CDH8: variants seen among roughly 807,000 people sequenced by gnomAD.
CDH8 encodes cadherin 8, also known as cadherin-8.
CDH8 carries 17 observed loss-of-function variants against 68.1 expected under a neutral mutation model. The observed-to-expected ratio is 0.25, with a 90% CI of 0.17 to 0.37. CDH8 has a LOEUF of 0.37. CDH8 is among the 10% of genes least tolerant of loss of function. CDH8 has a pLI of 1.00. For synonymous variants in CDH8, 372 were observed against 365.1 expected (o/e 1.02, Z -0.21); for missense variants, 763 against 999.3 (o/e 0.76, Z 3.19).
intron 2 of CDH8, among the ~76,000 whole-genome samples, chr16:61,912,951 C>A (rs1369427553): frequency 6.6e-6 from 1 of 152,052 alleles, no homozygotes; most frequent in Non-Finnish European, 1.5e-5. Context: ...TTTTAAAACA[C>A]AGCAATAAAA....
chr16:61,685,355 TTA>T (rs1964087397), intron 10 of CDH8, among the ~76,000 whole-genome samples: 2 of 151,804 alleles, frequency 1.3e-5, no homozygotes, highest in African/African-American at 4.8e-5. Context: ...AGATCTGATT[TTA>T]AAGGAGACAT....
chr16:61,771,593 G>A (rs908909034), intron 8 of CDH8, among the ~76,000 whole-genome samples: 1 of 151,206 alleles, frequency 6.6e-6, no homozygotes, highest in Non-Finnish European at 1.5e-5. Context: ...AAAAGTCAGA[G>A]TCCTTTAAAC....
chr16:61,975,959 A>G (rs1965426836), intron 2 of CDH8, among the ~76,000 whole-genome samples: 1 of 152,210 alleles, frequency 6.6e-6, no homozygotes, highest in African/African-American at 2.4e-5. Flanking sequence ...TTTAAAGACA[A>G]TGAGAAATTT....
chr16:61,905,007 T>A (rs1391405040), intron 2 of CDH8, among the ~76,000 whole-genome samples: 1 of 152,248 alleles, frequency 6.6e-6, no homozygotes, highest in Non-Finnish European at 1.5e-5. Flanking sequence ...GAGAATCTAA[T>A]GCCTGATGAT....
intron 1 of CDH8, among the ~76,000 whole-genome samples, chr16:62,024,251 G>A (rs561446637): frequency 9.9e-5 from 15 of 152,068 alleles, no homozygotes; most frequent in Non-Finnish European, 1.0e-4. Flanking sequence ...TATAACGGCG[G>A]AGGGAGGGAT....
chr16:61,954,946 C>G (rs1012928121), intron 2 of CDH8, among the ~76,000 whole-genome samples: 4 of 152,010 alleles, frequency 2.6e-5, no homozygotes, highest in Non-Finnish European at 5.9e-5. Context: ...CATAATGAAC[C>G]ACCATTATTT....
intron 8 of CDH8, among the ~76,000 whole-genome samples, chr16:61,734,710 T>C (rs1959628087): frequency 6.6e-6 from 1 of 152,164 alleles, no homozygotes; most frequent in Non-Finnish European, 1.5e-5. Context: ...TTAAGCTGTG[T>C]AGTAAATATT....
intron 2 of CDH8, among the ~76,000 whole-genome samples, chr16:62,017,221 G>A (rs574179308): frequency 5.9e-5 from 9 of 152,118 alleles, no homozygotes; most frequent in East Asian, 3.9e-4. Flanking sequence ...TTTTCTTTGC[G>A]GAACTTGCAT....
intron 2 of CDH8, among the ~76,000 whole-genome samples, chr16:61,976,070 A>T (rs1965428473): frequency 6.6e-6 from 1 of 152,178 alleles, no homozygotes. Flanking sequence ...CAGTGCCTGA[A>T]AAAAATAACA....
At chr16:61,911,746 C>A (rs117680612) in intron 2 of CDH8, among the ~76,000 whole-genome samples, 2 of 151,384 alleles carry the variant, frequency 1.3e-5, no homozygotes, top group Non-Finnish European at 2.9e-5. Flanking sequence ...AAGTTTTCAA[C>A]AAATAAACAC....
chr16:61,914,426 C>T (rs901372050), intron 2 of CDH8, among the ~76,000 whole-genome samples: 4 of 152,108 alleles, frequency 2.6e-5, no homozygotes, highest in African/African-American at 7.2e-5. Flanking sequence ...AATTCCCAGA[C>T]TTGTAAATAT....
chr16:61,848,645 T>C (rs1962871047), intron 4 of CDH8, among the ~76,000 whole-genome samples: 1 of 152,100 alleles, frequency 6.6e-6, no homozygotes, highest in Admixed American at 6.6e-5. Context: ...AGCTGTCCTC[T>C]TAACTATGAA....
intron 2 of CDH8, among the ~76,000 whole-genome samples, chr16:61,966,197 C>A (rs1351184951): frequency 6.6e-6 from 1 of 152,050 alleles, no homozygotes; most frequent in Non-Finnish European, 1.5e-5. Context: ...TAAAATGGTG[C>A]TAATTTGAGA....
chr16:61,724,788 T>C (rs1356431742), intron 9 of CDH8, among the ~76,000 whole-genome samples: 2 of 150,958 alleles, frequency 1.3e-5, no homozygotes, highest in Non-Finnish European at 3.0e-5. Context: ...ATTTGTGTGG[T>C]ATTATGAGAG....
chr16:61,702,980 T>C (rs567108500), intron 10 of CDH8, among the ~76,000 whole-genome samples: 90 of 152,314 alleles, frequency 5.9e-4, no homozygotes, highest in Admixed American at 3.3e-3. Flanking sequence ...AATAGGTGCC[T>C]AATAAATTTT....
At chr16:61,942,875 C>G (rs1964745407) in intron 2 of CDH8, among the ~76,000 whole-genome samples, 1 of 152,116 alleles carries the variant, frequency 6.6e-6, no homozygotes, top group Non-Finnish European at 1.5e-5. Flanking sequence ...AATTCAACAC[C>G]AGCCTGGACA....
At chr16:61,719,001 C>CA (rs1959198716) in intron 9 of CDH8, among the ~76,000 whole-genome samples, 1 of 151,132 alleles carries the variant, frequency 6.6e-6, no homozygotes, top group East Asian at 1.9e-4. Flanking sequence ...AAATGTAGTA[C>CA]AAACATATTC....
intron 4 of CDH8, 35 bp downstream of exon 4, chr16:61,857,084 C>T (rs370517055): frequency 6.2e-7 from 1 of 1,611,304 alleles, no homozygotes; most frequent in African/African-American, 1.3e-5. Context: ...GAAGCAAAAA[C>T]ATGGCAAATA....
chr16:61,676,904 G>A (rs537208808), intron 10 of CDH8, among the ~76,000 whole-genome samples: 6 of 152,114 alleles, frequency 3.9e-5, no homozygotes, highest in African/African-American at 1.4e-4. Context: ...AAACTTTGTA[G>A]GGTGACGAAA....
Sources: gnomAD v4.1 joint callset for allele counts (sites outside exome capture counted in the v4.1 genomes callset) on GRCh38, gnomAD v4.1.1 for gene constraint, MANE v1.5 for transcripts, NCBI Gene and HGNC (gene_info 2026-07-23, HGNC 2026-07-21) for gene names.